The following AMD1 variants were observed in gnomAD, a reference collection of about 807,000 sequenced individuals.
AMD1 encodes the protein S-adenosylmethionine decarboxylase proenzyme.
In AMD1, 11 loss-of-function variants were observed where a neutral mutation model predicts 40.2. That is an observed-to-expected ratio of 0.27 (90% CI 0.17 to 0.45). The LOEUF (loss-of-function observed/expected upper bound fraction) is 0.45. AMD1 is among the 20% of genes least tolerant of loss of function. The pLI is 1.00. For synonymous variants in AMD1, 121 were observed against 130.8 expected, an observed-to-expected ratio of 0.93 and a Z score of 0.51; for missense variants, 257 against 410.2, an observed-to-expected ratio of 0.63 and a Z score of 3.23.
At chr6:110,863,880 A>G in the AMD1 span, 2 of 475,426 alleles carry the variant, frequency 4.2e-6, no homozygotes, top group Non-Finnish European at 8.2e-6. Context: ...ACAAATAAAG[A>G]GGGCAGAAGT....
At chr6:110,819,367 T>A in the AMD1 span, among the ~76,000 whole-genome samples, 3 of 151,752 alleles carry the variant, frequency 2.0e-5, no homozygotes, top group African/African-American at 2.4e-5. Context: ...CAAAACAAAC[T>A]AACAAACAAA....
intron 4 of AMD1, 193 bp from the exon 5 acceptor site, chr6:110,891,968 C>A: frequency 1.5e-6 from 1 of 655,316 alleles, no homozygotes; most frequent in Non-Finnish European, 2.7e-6. Flanking sequence ...GAACTCTTGA[C>A]CTCAAGCCCA....
At chr6:110,879,145 G>T (rs928942538) in intron 1 of AMD1, among the ~76,000 whole-genome samples, 1 of 152,116 alleles carries the variant, frequency 6.6e-6, no homozygotes, top group Non-Finnish European at 1.5e-5. Flanking sequence ...TGAGAGCCCA[G>T]TCTGGGCAAC....
chr6:110,831,417 C>T, the AMD1 span, among the ~76,000 whole-genome samples: 2 of 148,976 alleles, frequency 1.3e-5, no homozygotes, highest in African/African-American at 2.5e-5. Flanking sequence ...CCAACCTGGG[C>T]GACAGTGCAA....
the AMD1 span, among the ~76,000 whole-genome samples, chr6:110,849,812 G>A: frequency 6.6e-6 from 1 of 152,216 alleles, no homozygotes; most frequent in East Asian, 1.9e-4. Context: ...TTGAGCCCGT[G>A]AGTTCAAGAC....
At chr6:110,823,242 A>G in the AMD1 span, among the ~76,000 whole-genome samples, 4,274 of 152,334 alleles carry the variant, frequency 0.028, 84 homozygotes, top group South Asian at 0.084. Flanking sequence ...AATAAAAGCC[A>G]TATATGATAA....
At chr6:110,871,609 G>A (rs905144360), upstream of AMD1, among the ~76,000 whole-genome samples, 3 of 152,192 alleles carry the variant, frequency 2.0e-5, no homozygotes. Flanking sequence ...GAAGAGATAA[G>A]AGTGGAGACA....
At chr6:110,846,601 G>A in the AMD1 span, among the ~76,000 whole-genome samples, 3 of 152,008 alleles carry the variant, frequency 2.0e-5, no homozygotes, top group South Asian at 6.2e-4. Context: ...GTGGCAGGTG[G>A]TGGCTCACAC....
chr6:110,869,505 C>T, the AMD1 span, among the ~76,000 whole-genome samples: 4 of 143,882 alleles, frequency 2.8e-5, no homozygotes, highest in African/African-American at 7.7e-5. Context: ...TTTACAGTTT[C>T]TTTTTTTTTT....
At chr6:110,882,990 A>C (rs79280791) in intron 1 of AMD1, among the ~76,000 whole-genome samples, 1 of 152,014 alleles carries the variant, frequency 6.6e-6, no homozygotes, top group African/African-American at 2.4e-5. Flanking sequence ...AGGTGTAGTG[A>C]TACATGCCCT....
chr6:110,881,539 T>C (rs1785409121), intron 1 of AMD1, among the ~76,000 whole-genome samples: 1 of 152,094 alleles, frequency 6.6e-6, no homozygotes, highest in Non-Finnish European at 1.5e-5. Context: ...CCAGGCATGG[T>C]GGTGCATGCC....
upstream of AMD1, among the ~76,000 whole-genome samples, chr6:110,871,953 GA>G (rs1020026550): frequency 1.8e-4 from 27 of 152,284 alleles, no homozygotes; most frequent in African/African-American, 6.5e-4. Flanking sequence ...GCATTGGGAA[GA>G]AAATTTCCAA....
the AMD1 span, among the ~76,000 whole-genome samples, chr6:110,862,133 G>A: frequency 2.0e-5 from 3 of 149,496 alleles, no homozygotes; most frequent in Admixed American, 2.0e-4. Flanking sequence ...GATTCTCCCA[G>A]GAGTAGCTGA....
chr6:110,873,829 T>C (rs1784965069), upstream of AMD1, among the ~76,000 whole-genome samples: 1 of 152,232 alleles, frequency 6.6e-6, no homozygotes, highest in Admixed American at 6.5e-5. Context: ...TAAATCCTTC[T>C]TAAGCACATG....
the AMD1 span, among the ~76,000 whole-genome samples, chr6:110,827,644 A>T: frequency 6.6e-6 from 1 of 151,944 alleles, no homozygotes; most frequent in African/African-American, 2.4e-5. Context: ...GGGCACCTGT[A>T]GTCCCAGCTG....
At chr6:110,849,222 A>G in the AMD1 span, among the ~76,000 whole-genome samples, 1 of 152,186 alleles carries the variant, frequency 6.6e-6, no homozygotes, top group Non-Finnish European at 1.5e-5. Context: ...CTTGAGTGTG[A>G]TCGCTTAGGA....
upstream of AMD1, among the ~76,000 whole-genome samples, chr6:110,874,099 G>A (rs530592242): frequency 1.2e-3 from 187 of 152,298 alleles, 1 homozygote; most frequent in African/African-American, 4.4e-3. Flanking sequence ...GGGTAAAGCC[G>A]GGGCCCTCCA....
At chr6:110,865,183 T>C in the AMD1 span, among the ~76,000 whole-genome samples, 49 of 152,322 alleles carry the variant, frequency 3.2e-4, no homozygotes, top group African/African-American at 1.1e-3. Context: ...ATAGAGTATC[T>C]TTTCCTAGTG....
the AMD1 span, among the ~76,000 whole-genome samples, chr6:110,846,389 C>A: frequency 2.6e-5 from 4 of 152,050 alleles, no homozygotes; most frequent in Non-Finnish European, 5.9e-5. Context: ...CAGTAGAATG[C>A]ATAAATAGCT....
Sources: gnomAD v4.1 joint callset for allele counts (sites outside exome capture counted in the v4.1 genomes callset) on GRCh38, gnomAD v4.1.1 for gene constraint, MANE v1.5 for transcripts, NCBI Gene and HGNC (gene_info 2026-07-23, HGNC 2026-07-21) for gene names.